Variants in GPC6 observed in about 807,000 individuals in gnomAD.
GPC6 encodes glypican-6.
GPC6 carries 14 observed loss-of-function variants against 55.2 expected under a neutral mutation model. That is an observed-to-expected ratio of 0.25 (90% CI 0.17 to 0.40). The LOEUF (loss-of-function observed/expected upper bound fraction) is 0.40. GPC6 is among the 10% of genes least tolerant of loss of function. GPC6 has a pLI of 1.00. For synonymous variants in GPC6, 278 were observed against 259.6 expected (o/e 1.07, Z -0.68); for missense variants, 641 against 708.5 (o/e 0.90, Z 1.08).
At position 93,991,702 on chromosome 13, in the gene GPC6, G is replaced by A. The variant is rs543288622; in HGVS notation, c.712-36027G>A. On this transcript the variant is annotated intron_variant, in intron 3 of 8. Transcript: ENST00000377047. ...CCATCAGAGCACTTTTCAACACACA[G>A]GAAATAGTAAAGAAGGAAGGGAAGG... is the stretch of plus-strand genomic sequence containing the variant. Among the ~76,000 whole-genome samples the A allele has an allele frequency of 3.0e-4, 45 of 152,186 alleles. No homozygotes were observed. In the South Asian group the frequency reaches 3.1e-3, roughly 11 times the overall value.
chr13:94,248,718 C>G (rs540027310), intron 4 of GPC6, among the ~76,000 whole-genome samples: 36 of 151,942 alleles, frequency 2.4e-4, no homozygotes, highest in African/African-American at 8.2e-4. Flanking sequence ...TATTTTGACT[C>G]AAAACCCCCA....
chr13:93,544,897 T>A (rs1874693980), intron 1 of GPC6, among the ~76,000 whole-genome samples: 1 of 152,170 alleles, frequency 6.6e-6, no homozygotes, highest in Non-Finnish European at 1.5e-5. Flanking sequence ...TCTTTTGCCT[T>A]ACTTGAGGTT....
chr13:93,857,906 TG>T (rs1888676070), intron 3 of GPC6, among the ~76,000 whole-genome samples: 2 of 151,520 alleles, frequency 1.3e-5, no homozygotes, highest in African/African-American at 4.8e-5. Context: ...ATGATCTTTG[TG>T]GGCCATAGAT....
intron 2 of GPC6, among the ~76,000 whole-genome samples, chr13:93,658,294 G>T (rs1880773091): frequency 6.6e-6 from 1 of 151,642 alleles, no homozygotes; most frequent in African/African-American, 2.4e-5. Flanking sequence ...TGATACTTTG[G>T]ATTCTTTTAT....
chr13:93,474,223 GTGT>G (rs1295309688), intron 1 of GPC6, among the ~76,000 whole-genome samples: 4 of 152,172 alleles, frequency 2.6e-5, no homozygotes, highest in Non-Finnish European at 5.9e-5. Flanking sequence ...AGTCTTCACA[GTGT>G]TACTTGGATC....
chr13:93,924,290 T>A (rs752327846), intron 3 of GPC6, among the ~76,000 whole-genome samples: 1 of 152,230 alleles, frequency 6.6e-6, no homozygotes, highest in Non-Finnish European at 1.5e-5. Context: ...AAGAGTGGTA[T>A]GTGCCTGGTG....
At chr13:93,469,014 C>T (rs371247251) in intron 1 of GPC6, among the ~76,000 whole-genome samples, 1 of 152,084 alleles carries the variant, frequency 6.6e-6, no homozygotes, top group Non-Finnish European at 1.5e-5. Context: ...TGATACTAAT[C>T]ACCAGTGTAA....
chr13:93,385,926 G>A (rs982275531), intron 1 of GPC6, among the ~76,000 whole-genome samples: 2 of 151,906 alleles, frequency 1.3e-5, no homozygotes, highest in East Asian at 3.9e-4. Flanking sequence ...TGGCTAACAC[G>A]GATGTATTCT....
At chr13:94,158,102 A>G (rs1259191080) in intron 4 of GPC6, among the ~76,000 whole-genome samples, 4 of 152,180 alleles carry the variant, frequency 2.6e-5, no homozygotes, top group Admixed American at 6.6e-5. Context: ...AGTAAGCCCA[A>G]TTTCCTGCCA....
chr13:93,931,544 A>C (rs1436123672), intron 3 of GPC6, among the ~76,000 whole-genome samples: 2 of 151,842 alleles, frequency 1.3e-5, no homozygotes, highest in Admixed American at 6.6e-5. Flanking sequence ...CGGGTGTATC[A>C]CCTGAGGTCA....
At chr13:93,571,121 C>A (rs1020641456) in intron 2 of GPC6, among the ~76,000 whole-genome samples, 2 of 152,062 alleles carry the variant, frequency 1.3e-5, no homozygotes, top group Non-Finnish European at 2.9e-5. Flanking sequence ...ATCAGCGTTG[C>A]AGAAAGAAGT....
chr13:93,762,039 C>G (rs1016537608), intron 2 of GPC6, among the ~76,000 whole-genome samples: 3 of 152,104 alleles, frequency 2.0e-5, no homozygotes, highest in Non-Finnish European at 2.9e-5. Flanking sequence ...TTTCCCCTTC[C>G]TCCCGTCAGC....
At chr13:94,069,307 C>T (rs1464940975) in intron 4 of GPC6, among the ~76,000 whole-genome samples, 3 of 152,238 alleles carry the variant, frequency 2.0e-5, no homozygotes, top group South Asian at 2.1e-4. Context: ...AGACCAAGTC[C>T]CTAGGCTTCA....
intron 2 of GPC6, among the ~76,000 whole-genome samples, chr13:93,631,906 T>G (rs976268547): frequency 7.2e-5 from 11 of 152,210 alleles, no homozygotes; most frequent in Non-Finnish European, 1.6e-4. Context: ...TTCTGGGATT[T>G]TCTTGGGTAA....
At chr13:94,003,956 T>G (rs4773771) in intron 3 of GPC6, among the ~76,000 whole-genome samples, 3,691 of 152,290 alleles carry the variant, frequency 0.024, 189 homozygotes, top group Admixed American at 0.11. Context: ...AAAAACTATA[T>G]TTTACTGCTA....
At chr13:94,076,113 C>T (rs961217145) in intron 4 of GPC6, among the ~76,000 whole-genome samples, 2 of 151,046 alleles carry the variant, frequency 1.3e-5, no homozygotes, top group African/African-American at 4.9e-5. Flanking sequence ...CCACATCCTA[C>T]CCAACACTTA....
chr13:93,227,443 T>A lies in GPC6; in HGVS notation c.-14T>A. On this transcript the variant is annotated 5_prime_UTR_variant, in exon 1 of 9. The change creates a new upstream start codon in the 5' untranslated region. Transcript: ENST00000377047. This position sits in a 1 kb window ranked among gnomAD's most constrained non-coding sequence, Gnocchi z 4.3. ...GGCCGTGGGGTTTACCGAGCTGGATTTGTATGTTGCACCATGCCTTCTTGG... is the reference window on the plus strand; with the variant it reads ...GGCCGTGGGGTTTACCGAGCTGGATATGTATGTTGCACCATGCCTTCTTGG... The A allele has an allele frequency of 6.2e-7, 1 of 1,613,206 alleles. No homozygotes were observed. Among genetic ancestry groups the A allele is most frequent in the South Asian group, 1.1e-5 (1 of 91,014 alleles).
At chr13:93,885,848 A>C (rs1454359314) in intron 3 of GPC6, among the ~76,000 whole-genome samples, 1 of 152,164 alleles carries the variant, frequency 6.6e-6, no homozygotes, top group East Asian at 1.9e-4. Flanking sequence ...AATAGAGGAA[A>C]CCAAACCAAA....
At chr13:94,292,092 T>A (rs189432125) in intron 5 of GPC6, among the ~76,000 whole-genome samples, 55 of 152,298 alleles carry the variant, frequency 3.6e-4, no homozygotes, top group African/African-American at 1.3e-3. Context: ...ATGGTTTCTA[T>A]TGTGTAATAT....
Sources: allele counts gnomAD v4.1 joint callset (sites outside exome capture counted in the v4.1 genomes callset), GRCh38; gene constraint gnomAD v4.1.1; non-coding constraint Gnocchi (gnomAD v3.1); transcripts MANE v1.5; gene names NCBI Gene and HGNC (gene_info 2026-07-23, HGNC 2026-07-21).